TMEM123: variants seen among roughly 807,000 people sequenced by gnomAD.
The protein encoded by TMEM123 is porimin.
In TMEM123, 16 loss-of-function variants were observed where a neutral mutation model predicts 19.7. The ratio of observed to expected loss-of-function variants is 0.81; its 90% CI spans 0.55 to 1.23. The LOEUF (loss-of-function observed/expected upper bound fraction) is 1.23, where lower values mean the gene tolerates loss of function less well. TMEM123 is among the 50% of genes most tolerant of loss of function. The pLI is 0.00. For missense variants in TMEM123, 313 were observed against 257.8 expected, an observed-to-expected ratio of 1.21 and a Z score of -1.47; for synonymous variants, 118 against 99.4, an observed-to-expected ratio of 1.19 and a Z score of -1.12.
chr11:102,446,929 GGTAAACA>G (rs1386612622), intron 2 of TMEM123, among the ~76,000 whole-genome samples: 4 of 152,022 alleles, frequency 2.6e-5, no homozygotes, highest in South Asian at 4.1e-4. Context: ...CAAATAAATT[GGTAAACA>G]GTATGTTCAA....
In TMEM123 at chr11:102,402,206, T is replaced by G. The variant is rs1951920470; in HGVS notation, c.158A>C (p.Glu53Ala). 6.2e-7 allele frequency: 1 copy of G among 1,612,168 alleles called. No individual in the cohort carries two copies. Among genetic ancestry groups the G allele is most frequent in the Non-Finnish European group, 8.5e-7 (1 of 1,178,732 alleles). Reference sequence around the variant, plus strand: ...GTCAGAAGGCACATGTTGGAGAGTCTCTGCAATAATATCAAGAAACATTAA... The same window carrying G: ...GTCAGAAGGCACATGTTGGAGAGTCGCTGCAATAATATCAAGAAACATTAA... The part of the protein sequence containing the change: ...LPHNSSANST[E>A]TLQHVPSDHT... Residue 53 changes from glutamate (E) to alanine (A), a missense_variant and splice_region_variant, in exon 3 of 5, where the codon GAG becomes GCG. Coordinates refer to ENST00000398136, the MANE Select transcript of TMEM123 (RefSeq NM_052932.3).
chr11:102,424,358 T>C (rs1952108908), intron 2 of TMEM123, among the ~76,000 whole-genome samples: 1 of 152,238 alleles, frequency 6.6e-6, no homozygotes, highest in Non-Finnish European at 1.5e-5. Context: ...ATATACTTTA[T>C]AGAAGTACAC....
intron 2 of TMEM123, among the ~76,000 whole-genome samples, chr11:102,432,283 A>G (rs1456454193): frequency 6.6e-6 from 1 of 152,222 alleles, no homozygotes; most frequent in African/African-American, 2.4e-5. Flanking sequence ...AACTTCCTAG[A>G]GACTTGTTGA....
intron 2 of TMEM123, among the ~76,000 whole-genome samples, chr11:102,444,437 C>T (rs540144781): frequency 1.3e-5 from 2 of 149,822 alleles, no homozygotes; most frequent in Admixed American, 1.3e-4. Context: ...CAGCAAACTA[C>T]GGCAAGGAAG....
chr11:102,408,583 A>G (rs79867662), intron 2 of TMEM123, among the ~76,000 whole-genome samples: 2,269 of 152,302 alleles, frequency 0.015, 53 homozygotes, highest in African/African-American at 0.052. Context: ...CACTGATATA[A>G]TCTGTGTTAA....
At chr11:102,416,639 C>G (rs12270723) in intron 2 of TMEM123, among the ~76,000 whole-genome samples, 1,863 of 152,164 alleles carry the variant, frequency 0.012, 39 homozygotes, top group African/African-American at 0.042. Flanking sequence ...TCTACCCTAG[C>G]TCATTCTATA....
chr11:102,435,567 T>C (rs1483266203), intron 2 of TMEM123, among the ~76,000 whole-genome samples: 1 of 151,942 alleles, frequency 6.6e-6, no homozygotes, highest in African/African-American at 2.4e-5. Flanking sequence ...CTAGCAATTC[T>C]ACTCCTAGGT....
chr11:102,435,832 G>C (rs187241433), intron 2 of TMEM123, among the ~76,000 whole-genome samples: 11 of 152,030 alleles, frequency 7.2e-5, no homozygotes, highest in Admixed American at 6.6e-4. Flanking sequence ...ACGGGAAAAT[G>C]AAAGTAGATT....
In TMEM123 at chr11:102,445,262, T is replaced by C. The variant is rs551016672; in HGVS notation, c.157+3550A>G. Among the ~76,000 whole-genome samples, 358 of 152,372 alleles carry C rather than the reference T, an allele frequency of 2.3e-3. 2 individuals carry two copies. The highest frequency in any genetic ancestry group is 3.2e-3 in the Non-Finnish European group (215 of 68,036). ...GGAGTTGAAGCAGTTAAGTGTACTA[T>C]GAATTCTTTAGTTAGAAAAATTCTT... On this transcript the variant is annotated intron_variant, in intron 2 of 4. Transcript: ENST00000398136.
chr11:102,411,409 A>C (rs2135847580), intron 2 of TMEM123, among the ~76,000 whole-genome samples: 1 of 152,326 alleles, frequency 6.6e-6, no homozygotes, highest in South Asian at 2.1e-4. Context: ...CCTCTATAAT[A>C]AACCAATAAA....
chr11:102,433,418 T>C lies in TMEM123; in HGVS notation c.157+15394A>G, dbSNP rs531177434. Among the ~76,000 whole-genome samples, 241 of 152,074 alleles carry C rather than the reference T, an allele frequency of 1.6e-3. 8 individuals are homozygous for C. The highest frequency in any genetic ancestry group is 3.0e-3 in the Non-Finnish European group (201 of 67,878). On this transcript the variant is annotated intron_variant, in intron 2 of 4. Transcript: ENST00000398136. Reference sequence around the variant, plus strand: ...TTCAGACTTGCATGGGGCCTGCAGCTCCTTTGTTCTGGCCAATTTATCCCA... The same window carrying C: ...TTCAGACTTGCATGGGGCCTGCAGCCCCTTTGTTCTGGCCAATTTATCCCA...
chr11:102,447,450 C>T (rs528649817), intron 2 of TMEM123, among the ~76,000 whole-genome samples: 1 of 152,266 alleles, frequency 6.6e-6, no homozygotes, highest in East Asian at 1.9e-4. Flanking sequence ...GAAATGACAC[C>T]TACCTCACCA....
chr11:102,448,988 A>G, intron 1 of TMEM123, 120 bp from the exon 2 acceptor site: 3 of 966,942 alleles, frequency 3.1e-6, no homozygotes, highest in Non-Finnish European at 4.9e-6. Context: ...ATTATTCCAC[A>G]GGAAGTTCTA....
chr11:102,399,985 T>C (rs1951896565), intron 4 of TMEM123, among the ~76,000 whole-genome samples: 1 of 147,770 alleles, frequency 6.8e-6, no homozygotes, highest in Non-Finnish European at 1.5e-5. Flanking sequence ...AAAAAAAAAA[T>C]CTGTTCTTAA....
At position 102,451,774 on chromosome 11, in the gene TMEM123, A is replaced by G. The variant is rs570344538; in HGVS notation, c.100+750T>C. Among the ~76,000 whole-genome samples the G allele has an allele frequency of 2.6e-5, 4 of 152,358 alleles. No individual in the cohort carries two copies. In the South Asian group the frequency reaches 6.2e-4, roughly 24 times the overall value. ...GAAACAAATTCCGCCCTACACAGAAAAGCAAAGTCAACATCATCCTGTTAC... is the reference window on the plus strand; with the variant it reads ...GAAACAAATTCCGCCCTACACAGAAGAGCAAAGTCAACATCATCCTGTTAC... On this transcript the variant is annotated intron_variant, in intron 1 of 4. Transcript: ENST00000398136.
chr11:102,415,668 C>A (rs933796619), intron 2 of TMEM123, among the ~76,000 whole-genome samples: 1 of 152,106 alleles, frequency 6.6e-6, no homozygotes, highest in African/African-American at 2.4e-5. Context: ...TGAGACATGG[C>A]TAAAGCAGTG....
intron 1 of TMEM123, among the ~76,000 whole-genome samples, chr11:102,450,774 G>A (rs1857929646): frequency 6.6e-6 from 1 of 152,140 alleles, no homozygotes; most frequent in Non-Finnish European, 1.5e-5. Context: ...GGATTCAATG[G>A]GATGATTTAT....
intron 2 of TMEM123, among the ~76,000 whole-genome samples, chr11:102,412,113 T>TGA (rs1282521099): frequency 2.0e-5 from 3 of 152,162 alleles, no homozygotes; most frequent in Admixed American, 6.5e-5. Context: ...AACCAGTCTA[T>TGA]ACATCATATT....
chr11:102,409,534 C>T (rs1328463646), intron 2 of TMEM123, among the ~76,000 whole-genome samples: 2 of 151,726 alleles, frequency 1.3e-5, no homozygotes, highest in Non-Finnish European at 2.9e-5. Flanking sequence ...AAAATCCACA[C>T]TATTGAAAAT....
Sources: allele counts gnomAD v4.1 joint callset (sites outside exome capture counted in the v4.1 genomes callset), GRCh38; gene constraint gnomAD v4.1.1; transcripts MANE v1.5; gene names NCBI Gene and HGNC (gene_info 2026-07-23, HGNC 2026-07-21).